DHX30: variants seen among roughly 807,000 people sequenced by gnomAD.
The protein encoded by DHX30 is DExH-box helicase 30.
DHX30 carries 4 observed loss-of-function variants against 116.9 expected under a neutral mutation model. The observed-to-expected ratio is 0.03, with a 90% CI of 0.02 to 0.08. The LOEUF (loss-of-function observed/expected upper bound fraction) is 0.08. DHX30 is among the 10% of genes least tolerant of loss of function. The pLI, the probability that DHX30 is intolerant of heterozygous loss-of-function variation, is 1.00. For missense variants in DHX30, 871 were observed against 1,595.1 expected (o/e 0.55, Z 7.73); for synonymous variants, 697 against 651.7 (o/e 1.07, Z -1.06).
intron 3 of DHX30, among the ~76,000 whole-genome samples, chr3:47,814,356 C>G (rs1048292920): frequency 6.3e-5 from 9 of 142,030 alleles, no homozygotes; most frequent in Admixed American, 5.3e-4. Flanking sequence ...ACCCAGGAGG[C>G]AGAGGTGGCA....
At chr3:47,825,827 C>T (rs1056880713) in intron 4 of DHX30, 7 of 152,222 alleles carry the variant, frequency 4.6e-5, no homozygotes, top group African/African-American at 1.7e-4. Context: ...GAAGTTGGGT[C>T]CCTCTGTGAC....
At chr3:47,824,165 G>T (rs1244713610) in intron 4 of DHX30, among the ~76,000 whole-genome samples, 1 of 151,950 alleles carries the variant, frequency 6.6e-6, no homozygotes, top group Non-Finnish European at 1.5e-5. Context: ...ACTATGCCCG[G>T]CTAATTTTTG....
At chr3:47,806,093 G>C (rs1394689534) in intron 2 of DHX30, among the ~76,000 whole-genome samples, 1 of 151,378 alleles carries the variant, frequency 6.6e-6, no homozygotes, top group African/African-American at 2.4e-5. Flanking sequence ...CTTAGTTCAA[G>C]CAATTCCCCT....
chr3:47,829,702 A>G (rs1483717518), intron 6 of DHX30, among the ~76,000 whole-genome samples: 1 of 152,030 alleles, frequency 6.6e-6, no homozygotes, highest in African/African-American at 2.4e-5. Flanking sequence ...ACAGAGAGGA[A>G]CTACTTTATG....
At chr3:47,840,755 TG>T (rs1167717155) in intron 6 of DHX30, 121 bp from the exon 7 acceptor site, 2 of 1,217,614 alleles carry the variant, frequency 1.6e-6, no homozygotes, top group Non-Finnish European at 2.3e-6. Flanking sequence ...GGGGCTGAAG[TG>T]GGTAAACAGA....
chr3:47,833,674 A>G (rs1448084175), intron 6 of DHX30, among the ~76,000 whole-genome samples: 1 of 151,360 alleles, frequency 6.6e-6, no homozygotes, highest in African/African-American at 2.4e-5. Flanking sequence ...CTTGGCCAAC[A>G]TGGTGAAACC....
chr3:47,813,121 G>C (rs1437039924), intron 3 of DHX30, among the ~76,000 whole-genome samples: 1 of 151,792 alleles, frequency 6.6e-6, no homozygotes, highest in Non-Finnish European at 1.5e-5. Flanking sequence ...GGCGGATCAC[G>C]AGGTCAGGAG....
intron 7 of DHX30, 46 bp downstream of exon 7, chr3:47,841,224 A>T: frequency 1.9e-6 from 3 of 1,600,350 alleles, no homozygotes; most frequent in Non-Finnish European, 2.5e-6. Context: ...CTGTGCCTTG[A>T]CACGGGGATG....
At chr3:47,845,575 A>G in intron 9 of DHX30, 125 bp from the exon 10 acceptor site, 1 of 1,145,848 alleles carries the variant, frequency 8.7e-7, no homozygotes, top group Non-Finnish European at 1.2e-6. Flanking sequence ...TCACCATGTC[A>G]GCCAAAATCC....
intron 4 of DHX30, chr3:47,825,209 C>T (rs1022711520): frequency 1.5e-6 from 1 of 647,258 alleles, no homozygotes; most frequent in Non-Finnish European, 2.8e-6. Context: ...GGGATGGCCC[C>T]CGGCGGGCCT....
intron 3 of DHX30, among the ~76,000 whole-genome samples, chr3:47,811,719 G>A (rs149314394): frequency 2.1e-4 from 32 of 152,128 alleles, no homozygotes; most frequent in African/African-American, 1.4e-4. Flanking sequence ...GGCGTGTCAC[G>A]TGGCAAAAAT....
intron 6 of DHX30, among the ~76,000 whole-genome samples, chr3:47,835,389 A>G (rs900524253): frequency 6.6e-5 from 10 of 152,066 alleles, no homozygotes; most frequent in African/African-American, 2.4e-4. Flanking sequence ...GCTGGTCTCG[A>G]ACTCCTGACC....
chr3:47,849,937 C>G lies in DHX30; in HGVS notation c.3402C>G (p.Thr1134=), dbSNP rs764110747. Residue 1134 remains threonine, a synonymous_variant, in exon 22 of 22, where the codon ACC becomes ACG. Transcript: ENST00000445061. ...TGCGGCTGGAGGGTGACTCGCGTAC[C>G]GTGCGGCTGCTGAAGGAGCTGCGGC... ...DLLRLEGDSR[T]VRLLKELRRA... 5.6e-6 allele frequency: 9 copies of G among 1,613,226 alleles called. No individual in the cohort carries two copies. Among genetic ancestry groups the G allele is most frequent in the Non-Finnish European group, 7.6e-6 (9 of 1,179,820 alleles).
At chr3:47,841,992 G>T (rs1285929108) in intron 8 of DHX30, 4 of 520,136 alleles carry the variant, frequency 7.7e-6, no homozygotes, top group Non-Finnish European at 1.4e-5. Flanking sequence ...TGGATTGTCA[G>T]TGGGGAAGGG....
At chr3:47,829,706 C>G (rs2036747032) in intron 6 of DHX30, among the ~76,000 whole-genome samples, 1 of 152,058 alleles carries the variant, frequency 6.6e-6, no homozygotes, top group Admixed American at 6.6e-5. Context: ...AGAGGAACTA[C>G]TTTATGAAAA....
chr3:47,822,593 TG>T (rs1300109660), intron 4 of DHX30, among the ~76,000 whole-genome samples: 1 of 151,936 alleles, frequency 6.6e-6, no homozygotes, highest in African/African-American at 2.4e-5. Context: ...AAGACCAGCC[TG>T]GCCAATATGG....
At chr3:47,815,723 C>CAAAAAAAAAA (rs11349970) in intron 3 of DHX30, among the ~76,000 whole-genome samples, 9 of 20,758 alleles carry the variant, frequency 4.3e-4, no homozygotes, top group Non-Finnish European at 5.7e-4. Context: ...TAAAAAAGAG[C>CAAAAAAAAAA]AAAAAAAAAA....
intron 9 of DHX30, among the ~76,000 whole-genome samples, chr3:47,845,043 T>A (rs1025289117): frequency 1.1e-4 from 16 of 152,006 alleles, no homozygotes; most frequent in African/African-American, 2.9e-4. Context: ...TGAGGGTACA[T>A]GTTGGGAATT....
intron 5 of DHX30, among the ~76,000 whole-genome samples, chr3:47,828,728 G>C (rs1295761401): frequency 3.2e-5 from 3 of 93,408 alleles, no homozygotes; most frequent in Non-Finnish European, 5.5e-5. Flanking sequence ...GCAAGACTCT[G>C]TCTCAAAAAA....
Sources: gnomAD v4.1 joint callset for allele counts (sites outside exome capture counted in the v4.1 genomes callset) on GRCh38, gnomAD v4.1.1 for gene constraint, MANE v1.5 for transcripts, NCBI Gene and HGNC (gene_info 2026-07-23, HGNC 2026-07-21) for gene names.